Variants in PCDHGA3 observed in about 807,000 individuals in gnomAD.
PCDHGA3 encodes protocadherin gamma subfamily A, 3.
In PCDHGA3, 40 loss-of-function variants were observed where a neutral mutation model predicts 58.5. The ratio of observed to expected loss-of-function variants is 0.68; its 90% CI spans 0.53 to 0.89. PCDHGA3 has a LOEUF of 0.89. Ranked by LOEUF, PCDHGA3 falls within the 40% of genes least tolerant of loss-of-function variation. The pLI, the probability that PCDHGA3 is intolerant of heterozygous loss-of-function variation, is 0.00. For synonymous variants in PCDHGA3, 530 were observed against 525.7 expected (o/e 1.01, Z -0.11); for missense variants, 1,223 against 1,195.9 (o/e 1.02, Z -0.33).
At chr5:141,454,620 G>T (rs1028840158) in intron 1 of PCDHGA3, among the ~76,000 whole-genome samples, 1 of 151,520 alleles carries the variant, frequency 6.6e-6, no homozygotes, top group East Asian at 1.9e-4. Flanking sequence ...TGGTCAGGCT[G>T]GTCTCGAACC....
intron 2 of PCDHGA3, among the ~76,000 whole-genome samples, chr5:141,497,880 T>C (rs2099780200): frequency 6.6e-6 from 1 of 152,170 alleles, no homozygotes; most frequent in Non-Finnish European, 1.5e-5. Context: ...GAAATAAGCG[T>C]TAGGATCTAG....
chr5:141,385,108 A>G, intron 1 of PCDHGA3: 3 of 1,614,126 alleles, frequency 1.9e-6, no homozygotes. Context: ...GAACGTGCCC[A>G]CCTCGCACTT....
In PCDHGA3 at chr5:141,491,727, G is replaced by C; in HGVS notation, c.2425-3080G>C. On this transcript the variant is annotated intron_variant, in intron 1 of 3. Transcript: ENST00000253812. This position sits in a 1 kb window ranked among gnomAD's most constrained non-coding sequence, Gnocchi z 6.9. ...TGAGGGGCTCGGCGCCGCCCCGGGC[G>C]ACCCCTGGGGGCGGCACTGGAGAAG... 6.2e-7 allele frequency: 1 copy of C among 1,604,916 alleles called. No individual in the cohort carries two copies. The highest frequency in any genetic ancestry group is 8.5e-7 in the Non-Finnish European group (1 of 1,176,284).
chr5:141,351,992 G>T (rs773093816), intron 1 of PCDHGA3: 3 of 1,611,004 alleles, frequency 1.9e-6, no homozygotes, highest in Non-Finnish European at 2.5e-6. Flanking sequence ...GCCACGCGCC[G>T]CAGAGCCCGG....
intron 1 of PCDHGA3, chr5:141,394,389 C>T (rs750588570): frequency 2.6e-5 from 42 of 1,614,118 alleles, no homozygotes; most frequent in Non-Finnish European, 3.5e-5. Flanking sequence ...TGAGCAGATC[C>T]GAGACCTGCA....
At chr5:141,375,421 C>G in intron 1 of PCDHGA3, 1 of 1,613,998 alleles carries the variant, frequency 6.2e-7, no homozygotes, top group South Asian at 1.1e-5. Flanking sequence ...CAGACACCAA[C>G]GACAACCCGC....
chr5:141,394,521 G>A (rs761808641), intron 1 of PCDHGA3: 5 of 1,614,212 alleles, frequency 3.1e-6, no homozygotes, highest in Non-Finnish European at 4.2e-6. Flanking sequence ...CCTCCCCACA[G>A]ACGGTTCCAC....
At chr5:141,479,633 T>TAACAAC (rs749744124) in intron 1 of PCDHGA3, 1 of 152,114 alleles carries the variant, frequency 6.6e-6, no homozygotes, top group Admixed American at 6.5e-5. Flanking sequence ...TCTTTAACAA[T>TAACAAC]AACAACAACA....
Position 141,477,991 on chromosome 5 carries a change from T to C in PCDHGA3, c.2425-16816T>C, listed in dbSNP as rs774877878. On this transcript the variant is annotated intron_variant, in intron 1 of 3. Transcript: ENST00000253812. The surrounding 1 kb of genome is among the most constrained non-coding windows in gnomAD (Gnocchi z 4.9). The stretch of plus-strand genomic sequence containing the variant: ...GCCTTTTTGCCATAGGGCTGCACAC[T>C]GGTCAAATCAGTACTGCCCGTCCAG... 2 of 1,614,134 alleles carry C rather than the reference T, an allele frequency of 1.2e-6. No individual in the cohort carries two copies. Among genetic ancestry groups the C allele is most frequent in the South Asian group, 2.2e-5 (2 of 91,082 alleles).
In PCDHGA3 at chr5:141,491,856, C is replaced by A. The variant is rs754113958; in HGVS notation, c.2425-2951C>A. On this transcript the variant is annotated intron_variant, in intron 1 of 3. Coordinates refer to ENST00000253812, the MANE Select transcript of PCDHGA3 (RefSeq NM_018916.4). This position sits in a 1 kb window ranked among gnomAD's most constrained non-coding sequence, Gnocchi z 6.9. ...TCTCGGGATCATTGGACCGTTTGCG[C>A]GAAACCAGAGTGGCCGATTAAGGGA... 6.9e-7 allele frequency: 1 copy of A among 1,458,728 alleles called. No individual in the cohort carries two copies. The highest frequency in any genetic ancestry group is 9.1e-7 in the Non-Finnish European group (1 of 1,103,072). The allele number at this position is 1,458,728 out of a possible 1,614,324, so 90.4% of individuals were successfully genotyped here. A position where few individuals can be genotyped will look rare whatever the true frequency, so the allele number is the denominator to read the frequency against.
chr5:141,480,122 C>T (rs576224922), intron 1 of PCDHGA3, among the ~76,000 whole-genome samples: 1 of 151,948 alleles, frequency 6.6e-6, no homozygotes, highest in African/African-American at 2.4e-5. Flanking sequence ...CCTGGCATAT[C>T]ATAACTGTTA....
intron 1 of PCDHGA3, chr5:141,400,717 G>A: frequency 1.5e-6 from 1 of 672,320 alleles, no homozygotes; most frequent in Non-Finnish European, 2.5e-6. Context: ...TAGCCTTATA[G>A]ATTTACAAAG....
intron 1 of PCDHGA3, chr5:141,413,527 G>A (rs768496934): frequency 1.2e-6 from 2 of 1,613,938 alleles, no homozygotes; most frequent in Non-Finnish European, 1.7e-6. Flanking sequence ...GGAAGACAGG[G>A]TGAAACTTTT....
chr5:141,395,327 AAAT>A (rs760723981), intron 1 of PCDHGA3: 2 of 1,469,018 alleles, frequency 1.4e-6, no homozygotes, highest in Non-Finnish European at 1.8e-6. Flanking sequence ...AGATAGTTGA[AAAT>A]AATTTTTAAG....
intron 1 of PCDHGA3, among the ~76,000 whole-genome samples, chr5:141,445,156 GT>G (rs1248104914): frequency 6.6e-6 from 1 of 152,018 alleles, no homozygotes; most frequent in Non-Finnish European, 1.5e-5. Flanking sequence ...TTCATTTCTA[GT>G]TTACAGAAAA....
chr5:141,347,763 G>A (rs967666053), intron 1 of PCDHGA3, among the ~76,000 whole-genome samples: 4 of 151,586 alleles, frequency 2.6e-5, no homozygotes, highest in Non-Finnish European at 5.9e-5. Context: ...CTCCAGCTGG[G>A]GCAATAGAGA....
At chr5:141,362,060 T>C (rs764020676) in intron 1 of PCDHGA3, 9 of 1,612,216 alleles carry the variant, frequency 5.6e-6, no homozygotes, top group Non-Finnish European at 7.6e-6. Flanking sequence ...CGCCAGCGCC[T>C]GCTGGTCGCT....
At chr5:141,405,277 T>C (rs770051288) in intron 1 of PCDHGA3, 5 of 1,614,196 alleles carry the variant, frequency 3.1e-6, no homozygotes, top group Non-Finnish European at 4.2e-6. Context: ...AGCCCAACTA[T>C]GCAGACACAC....
chr5:141,383,087 G>A, intron 1 of PCDHGA3: 2 of 1,613,912 alleles, frequency 1.2e-6, no homozygotes, highest in Non-Finnish European at 1.7e-6. Flanking sequence ...GCGGAGCGCG[G>A]AGTCCGCATC....
Sources: gnomAD v4.1 joint callset for allele counts (sites outside exome capture counted in the v4.1 genomes callset) on GRCh38, gnomAD v4.1.1 for gene constraint, Gnocchi (gnomAD v3.1) non-coding constraint, MANE v1.5 for transcripts, NCBI Gene and HGNC (gene_info 2026-07-23, HGNC 2026-07-21) for gene names.